CLASP2: variants seen among roughly 807,000 people sequenced by gnomAD.
CLASP2 encodes cytoplasmic linker associated protein 2, also known as CLIP-associating protein 2.
In CLASP2, 47 loss-of-function variants were observed where a neutral mutation model predicts 194.4. The ratio of observed to expected loss-of-function variants is 0.24; its 90% CI spans 0.19 to 0.31. The LOEUF (loss-of-function observed/expected upper bound fraction) is 0.31. Ranked by LOEUF, CLASP2 falls within the 10% of genes least tolerant of loss-of-function variation. The pLI is 1.00. For missense variants in CLASP2, 1,445 were observed against 1,823.6 expected, an observed-to-expected ratio of 0.79 and a Z score of 3.78; for synonymous variants, 619 against 633.5, an observed-to-expected ratio of 0.98 and a Z score of 0.34.
intron 9 of CLASP2, 51 bp from the exon 10 acceptor site, chr3:33,627,131 T>C (rs953858446): frequency 2.9e-6 from 3 of 1,021,036 alleles, no homozygotes; most frequent in Non-Finnish European, 4.5e-6. Context: ...ATGAACAATA[T>C]CAAAATTATG....
chr3:33,538,649 G>T, intron 33 of CLASP2, 140 bp downstream of exon 33: 1 of 596,924 alleles, frequency 1.7e-6, no homozygotes, highest in Non-Finnish European at 2.7e-6. Flanking sequence ...CCTGGTATGT[G>T]GTAGATACTC....
intron 12 of CLASP2, among the ~76,000 whole-genome samples, chr3:33,612,287 AT>A (rs1392071636): frequency 1.3e-5 from 2 of 152,240 alleles, no homozygotes; most frequent in African/African-American, 4.8e-5. Context: ...TGGATATAAT[AT>A]GATCTAACAA....
At chr3:33,571,471 A>T (rs2063760489) in intron 25 of CLASP2, among the ~76,000 whole-genome samples, 1 of 151,744 alleles carries the variant, frequency 6.6e-6, no homozygotes, top group Non-Finnish European at 1.5e-5. Context: ...TCTACTAAAA[A>T]TACAAAAAAG....
intron 1 of CLASP2, among the ~76,000 whole-genome samples, chr3:33,708,492 A>G (rs768599032): frequency 1.8e-3 from 3 of 1,672 alleles, no homozygotes; most frequent in Non-Finnish European, 2.7e-3. Flanking sequence ...GTGTGTATGT[A>G]TATATATATA....
intron 1 of CLASP2, among the ~76,000 whole-genome samples, chr3:33,711,040 G>A (rs1223164771): frequency 6.6e-6 from 1 of 152,200 alleles, no homozygotes; most frequent in Non-Finnish European, 1.5e-5. Flanking sequence ...ACCAAGGGGA[G>A]AGGAAAAGAT....
chr3:33,505,486 G>C (rs2047929078), intron 37 of CLASP2: 1 of 152,196 alleles, frequency 6.6e-6, no homozygotes, highest in Non-Finnish European at 1.5e-5. Context: ...AACTCAAGGA[G>C]TGATGCACAG....
chr3:33,525,224 C>T (rs1383447742), intron 34 of CLASP2, among the ~76,000 whole-genome samples: 4 of 152,006 alleles, frequency 2.6e-5, no homozygotes, highest in African/African-American at 9.7e-5. Context: ...ATAAAAACAA[C>T]TACATACCAA....
chr3:33,569,888 A>G (rs1576567546), intron 26 of CLASP2, among the ~76,000 whole-genome samples: 1 of 152,192 alleles, frequency 6.6e-6, no homozygotes, highest in Admixed American at 6.5e-5. Context: ...AATACTAAAA[A>G]TAGAAAAAAA....
At chr3:33,576,502 C>T (rs2064920960) in intron 23 of CLASP2, 1 of 457,230 alleles carries the variant, frequency 2.2e-6, no homozygotes, top group African/African-American at 2.0e-5. Flanking sequence ...GGTCACTATT[C>T]ATTTACAACC....
At chr3:33,591,043 G>A (rs979631729) in intron 21 of CLASP2, among the ~76,000 whole-genome samples, 3 of 151,958 alleles carry the variant, frequency 2.0e-5, no homozygotes, top group African/African-American at 7.3e-5. Context: ...GGGAGTGGTG[G>A]CATGCACCTC....
chr3:33,617,616 C>T (rs752886334), intron 12 of CLASP2, among the ~76,000 whole-genome samples: 13 of 151,882 alleles, frequency 8.6e-5, no homozygotes, highest in Non-Finnish European at 7.4e-5. Flanking sequence ...AGAGCTTATA[C>T]AATATTTGAA....
At chr3:33,695,799 C>G (rs2091834502) in intron 2 of CLASP2, among the ~76,000 whole-genome samples, 1 of 151,926 alleles carries the variant, frequency 6.6e-6, no homozygotes. Flanking sequence ...AAGAAAAAAG[C>G]AAAGAAAATC....
chr3:33,579,174 A>G (rs1445743726), intron 23 of CLASP2, among the ~76,000 whole-genome samples: 1 of 152,214 alleles, frequency 6.6e-6, no homozygotes, highest in Non-Finnish European at 1.5e-5. Context: ...TTCTAAAACT[A>G]TGACTAAAAG....
At chr3:33,589,937 T>A (rs1419079078) in intron 21 of CLASP2, among the ~76,000 whole-genome samples, 1 of 152,188 alleles carries the variant, frequency 6.6e-6, no homozygotes, top group Non-Finnish European at 1.5e-5. Flanking sequence ...GTTGGTTATC[T>A]TTATGCTTCA....
chr3:33,534,306 A>G (rs1162426796), intron 34 of CLASP2, among the ~76,000 whole-genome samples: 3 of 152,218 alleles, frequency 2.0e-5, no homozygotes, highest in Non-Finnish European at 4.4e-5. Context: ...TCACACCTAC[A>G]ATCCCAGCAC....
intron 29 of CLASP2, chr3:33,558,411 A>C (rs2061308035): frequency 6.6e-6 from 1 of 152,210 alleles, no homozygotes; most frequent in South Asian, 2.1e-4. Flanking sequence ...CGCTTGTAGA[A>C]ATATATTTCG....
At chr3:33,510,846 T>G in intron 36 of CLASP2, 82 bp from the exon 37 acceptor site, 2 of 1,207,546 alleles carry the variant, frequency 1.7e-6, no homozygotes, top group Admixed American at 2.3e-5. Flanking sequence ...TCATGAAGTA[T>G]TCAATATAAT....
At chr3:33,571,355 A>G (rs1460082275) in intron 25 of CLASP2, among the ~76,000 whole-genome samples, 3 of 151,208 alleles carry the variant, frequency 2.0e-5, no homozygotes, top group Non-Finnish European at 2.9e-5. Context: ...ATGGTCGGGC[A>G]CGGTGGTTCA....
chr3:33,509,473 C>T (rs1252098754), intron 37 of CLASP2, among the ~76,000 whole-genome samples: 1 of 152,138 alleles, frequency 6.6e-6, no homozygotes, highest in Non-Finnish European at 1.5e-5. Flanking sequence ...CCTTGGCCTC[C>T]CAAAGTGCTG....
Sources: gnomAD v4.1 joint callset for allele counts (sites outside exome capture counted in the v4.1 genomes callset) on GRCh38, gnomAD v4.1.1 for gene constraint, MANE v1.5 for transcripts, NCBI Gene and HGNC (gene_info 2026-07-23, HGNC 2026-07-21) for gene names.